Variants in BRD3 observed in about 807,000 individuals in gnomAD.
The protein encoded by BRD3 is bromodomain containing 3.
In BRD3, 17 loss-of-function variants were observed where a neutral mutation model predicts 66.8. That is an observed-to-expected ratio of 0.25 (90% CI 0.17 to 0.38). The LOEUF is 0.38. Ranked by LOEUF, BRD3 falls within the 10% of genes least tolerant of loss-of-function variation. The pLI is 1.00. For missense variants in BRD3, 713 were observed against 956.1 expected (o/e 0.75, Z 3.35); for synonymous variants, 421 against 393.2 (o/e 1.07, Z -0.84).
At chr9:134,044,253 G>A (rs1465116692) in intron 7 of BRD3, among the ~76,000 whole-genome samples, 1 of 152,196 alleles carries the variant, frequency 6.6e-6, no homozygotes, top group Non-Finnish European at 1.5e-5. Context: ...GGGTGGCAAT[G>A]GCAGCAGTGC....
In BRD3 at chr9:134,043,482, C is replaced by A. The variant is rs138045611; in HGVS notation, c.1216-1531G>T. Among the ~76,000 whole-genome samples, 452 of 152,338 alleles carry A rather than the reference C, an allele frequency of 3.0e-3. 8 individuals carry two copies. Among genetic ancestry groups the A allele is most frequent in the Admixed American group, 0.023 (354 of 15,306 alleles). ...ACGTGACATGCCTTCACTGTTCAGG[C>A]TGGACCCAGCTCTGGAGAAGCCCAC... On this transcript the variant is annotated intron_variant, in intron 7 of 11. Transcript: ENST00000303407.
At position 134,031,213 on chromosome 9, in the gene BRD3, C is replaced by T. The variant is rs191163945; in HGVS notation, c.*2377G>A. 70 of 219,152 alleles carry T rather than the reference C, an allele frequency of 3.2e-4. 1 individual carries two copies. The Admixed American group carries it at 3.3e-3, about 10-fold the overall frequency. The allele number at this position is 219,152 out of a possible 1,614,324, so 13.6% of individuals were successfully genotyped here. A position where few individuals can be genotyped will look rare whatever the true frequency, so the allele number is the denominator to read the frequency against. On this transcript the variant is annotated 3_prime_UTR_variant, in exon 12 of 12. Coordinates refer to ENST00000303407, the MANE Select transcript of BRD3 (RefSeq NM_007371.4). ...GACGCCACCGTCACAGAGAACCAGC[C>T]GAGAAGGAAAGGCCCCACGATGCTC...
intron 1 of BRD3, among the ~76,000 whole-genome samples, chr9:134,061,150 C>T (rs1461016927): frequency 1.1e-4 from 17 of 152,244 alleles, no homozygotes; most frequent in Admixed American, 1.1e-3. Flanking sequence ...GCAGGCATGT[C>T]GCCTGGGCAG....
At chr9:134,064,526 G>A (rs1830607614) in intron 1 of BRD3, among the ~76,000 whole-genome samples, 2 of 151,960 alleles carry the variant, frequency 1.3e-5, no homozygotes, top group African/African-American at 4.8e-5. Flanking sequence ...GGGCAACAGA[G>A]TGATACTCTG....
chr9:134,045,394 C>T lies in BRD3; in HGVS notation c.1114G>A (p.Asp372Asn). ...ACATCAGCAGCAAAGCCCTGTGCGT[C>T]TGGGTACTCTCGGCCATCCATCTTC... ...KRKMDGREYPDAQGFAADVRL... is the reference protein window; with the variant it reads ...KRKMDGREYPNAQGFAADVRL... Residue 372 changes from aspartate (D) to asparagine (N), a missense_variant, in exon 7 of 12, where the codon GAC becomes AAC. Asp to Asn is a conservative substitution (Grantham distance 23). Transcript: ENST00000303407. This position sits in a 1 kb window ranked among gnomAD's most constrained non-coding sequence, Gnocchi z 4.8. 6.2e-7 allele frequency: 1 copy of T among 1,613,648 alleles called. No homozygotes were observed. Among genetic ancestry groups the T allele is most frequent in the Non-Finnish European group, 8.5e-7 (1 of 1,179,990 alleles).
chr9:134,033,456 G>C lies in BRD3; in HGVS notation c.*134C>G. ...CTCTGACCTATGAAAGCAAAAACTG[G>C]AAGATATCATAACACTGAATTAAGA... On this transcript the variant is annotated 3_prime_UTR_variant, in exon 12 of 12. Transcript: ENST00000303407. This position sits in a 1 kb window ranked among gnomAD's most constrained non-coding sequence, Gnocchi z 5.1. 3.4e-6 allele frequency: 2 copies of C among 582,426 alleles called. No individual in the cohort carries two copies. The highest frequency in any genetic ancestry group is 6.2e-6 in the Non-Finnish European group (2 of 322,256). 36.1% of individuals were successfully genotyped at this position (582,426 alleles called of 1,614,324 possible). A position where few individuals can be genotyped will look rare whatever the true frequency, so the allele number is the denominator to read the frequency against.
upstream of BRD3, chr9:134,068,421 G>C (rs1317786507): frequency 6.7e-6 from 1 of 150,062 alleles, no homozygotes; most frequent in African/African-American, 2.4e-5. Flanking sequence ...GCCCCCGTCC[G>C]GGCACCCCGA....
At chr9:134,046,158 G>GT in intron 6 of BRD3, among the ~76,000 whole-genome samples, 1 of 152,228 alleles carries the variant, frequency 6.6e-6, no homozygotes, top group Non-Finnish European at 1.5e-5. Flanking sequence ...GGCGGCAGGG[G>GT]TAAGGAGGGG....
chr9:134,048,495 G>T lies in BRD3; in HGVS notation c.715-41C>A, dbSNP rs574519418. On this transcript the variant is annotated intron_variant, in intron 5 of 11. Transcript: ENST00000303407. ...AACCAGTGAACCCCGGAAACCAGGG[G>T]CCCCGAAGACGCATGTCGCTGCAGC... 29 of 1,596,574 alleles carry T rather than the reference G, an allele frequency of 1.8e-5. No homozygotes were observed. The South Asian group carries it at 3.0e-4, about 16-fold the overall frequency.
intron 1 of BRD3, among the ~76,000 whole-genome samples, chr9:134,066,778 G>T (rs373303058): frequency 5.7e-4 from 87 of 152,332 alleles, no homozygotes; most frequent in African/African-American, 1.9e-3. Context: ...TGCAGACAAT[G>T]ACCAAGTTTA....
chr9:134,054,594 CAGTT>C (rs928381798), intron 1 of BRD3: 19 of 152,336 alleles, frequency 1.2e-4, no homozygotes, highest in Admixed American at 3.3e-4. Context: ...GTGTAACTGA[CAGTT>C]AGACAGGTCA....
At chr9:134,067,742 C>T (rs1229329125) in intron 1 of BRD3, among the ~76,000 whole-genome samples, 3 of 144,794 alleles carry the variant, frequency 2.1e-5, no homozygotes, top group African/African-American at 5.0e-5. Flanking sequence ...CCGCCGCGAC[C>T]CCGGGCGGCC....
At chr9:134,057,050 C>G (rs1450083942) in intron 1 of BRD3, 1 of 152,356 alleles carries the variant, frequency 6.6e-6, no homozygotes, top group African/African-American at 2.4e-5. Flanking sequence ...CAGACCAACT[C>G]GAAAGACCTC....
intron 1 of BRD3, chr9:134,054,600 G>A (rs1286133465): frequency 2.0e-5 from 3 of 152,344 alleles, no homozygotes; most frequent in Non-Finnish European, 4.4e-5. Flanking sequence ...CTGACAGTTA[G>A]ACAGGTCACG....
chr9:134,054,995 T>C (rs1179474699), intron 1 of BRD3, among the ~76,000 whole-genome samples: 3 of 152,094 alleles, frequency 2.0e-5, no homozygotes, highest in Admixed American at 1.3e-4. Flanking sequence ...CAGGGCCTCA[T>C]CCAGGGAAGC....
upstream of BRD3, chr9:134,068,033 G>C (rs1397360773): frequency 6.9e-6 from 1 of 143,900 alleles, no homozygotes. Flanking sequence ...TAATAGACGC[G>C]CCGGAGCCGA....
chr9:134,037,601 A>G (rs1372590279), intron 9 of BRD3, among the ~76,000 whole-genome samples: 1 of 152,208 alleles, frequency 6.6e-6, no homozygotes, highest in Non-Finnish European at 1.5e-5. Context: ...AAATTAAAAA[A>G]AGGTTTCAAG....
At chr9:134,034,443 T>G (rs1588270279) in intron 11 of BRD3, 6 of 458,120 alleles carry the variant, frequency 1.3e-5, no homozygotes, top group Non-Finnish European at 1.6e-5. Context: ...TCCTGGGGGG[T>G]CCTCTGTCTG....
Position 134,050,387 on chromosome 9 carries a change from G to T in BRD3, c.701C>A (p.Pro234Gln). 2 of 1,611,234 alleles carry T rather than the reference G, an allele frequency of 1.2e-6. No individual in the cohort carries two copies. Among genetic ancestry groups the T allele is most frequent in the East Asian group, 2.2e-5 (1 of 44,866 alleles). The change falls in exon 5 of 12, where the codon CCG (proline) becomes CAG (glutamine). Residue 234 changes from proline (P) to glutamine (Q), a missense_variant. Around this residue, in one of 5 missense-constraint regions of BRD3, gnomAD observed 418 missense variants for 609.3 expected, o/e 0.69. Transcript: ENST00000303407. ...TPIVPVVPPT[P>Q]PVVKKKGVKR... is the part of the protein sequence containing the mutation. ...CAGGGTGCTCACCTTGACGACAGGCGGCGTAGGAGGGACCACGGGGACGAT... is the reference window on the plus strand; with the variant it reads ...CAGGGTGCTCACCTTGACGACAGGCTGCGTAGGAGGGACCACGGGGACGAT...
Sources: allele counts gnomAD v4.1 joint callset (sites outside exome capture counted in the v4.1 genomes callset), GRCh38; gene constraint gnomAD v4.1.1; regional missense constraint gnomAD v4.1.1; non-coding constraint Gnocchi (gnomAD v3.1); transcripts MANE v1.5; gene names NCBI Gene and HGNC (gene_info 2026-07-23, HGNC 2026-07-21).